Variants in BABAM2 observed in about 807,000 individuals in gnomAD.
BABAM2 encodes BRISC and BRCA1 A complex member 2, also known as BRISC and BRCA1-A complex member 2.
In BABAM2, 31 loss-of-function variants were observed where a neutral mutation model predicts 54.7. The observed-to-expected ratio is 0.57, with a 90% CI of 0.43 to 0.77. The LOEUF (loss-of-function observed/expected upper bound fraction) is 0.77. BABAM2 is among the 30% of genes least tolerant of loss of function. The probability of loss-of-function intolerance (pLI) is 0.00; values close to 1 mark genes in which losing one functional copy is unlikely to be tolerated. For missense variants in BABAM2, 364 were observed against 455.8 expected, an observed-to-expected ratio of 0.80 and a Z score of 1.83; for synonymous variants, 167 against 162.9, an observed-to-expected ratio of 1.03 and a Z score of -0.19.
intron 1 of BABAM2, among the ~76,000 whole-genome samples, chr2:27,891,488 A>T (rs1227304441): frequency 6.6e-6 from 1 of 152,154 alleles, no homozygotes; most frequent in Non-Finnish European, 1.5e-5. Flanking sequence ...AATACGTCAA[A>T]ATCAGGAAAT....
intron 3 of BABAM2, among the ~76,000 whole-genome samples, chr2:27,965,024 T>A (rs1670741473): frequency 6.6e-6 from 1 of 152,146 alleles, no homozygotes; most frequent in African/African-American, 2.4e-5. Context: ...GGAGATGGGG[T>A]ATGTTTTAAG....
intron 6 of BABAM2, among the ~76,000 whole-genome samples, chr2:28,067,092 C>T (rs1279686210): frequency 5.9e-5 from 9 of 152,100 alleles, no homozygotes; most frequent in South Asian, 2.1e-4. Flanking sequence ...CCACCACGCC[C>T]GGCTAATTTT....
chr2:28,268,249 A>T (rs1402877975), intron 10 of BABAM2, among the ~76,000 whole-genome samples: 2 of 152,234 alleles, frequency 1.3e-5, no homozygotes, highest in Non-Finnish European at 2.9e-5. Flanking sequence ...AGACAAGAGG[A>T]TACGTTGAGC....
At chr2:28,287,184 C>CT (rs1686894850) in intron 10 of BABAM2, among the ~76,000 whole-genome samples, 1 of 152,066 alleles carries the variant, frequency 6.6e-6, no homozygotes, top group Non-Finnish European at 1.5e-5. Context: ...AAGCTTATGA[C>CT]TTTTTAAAGA....
intron 7 of BABAM2, among the ~76,000 whole-genome samples, chr2:28,193,702 C>T (rs1677193450): frequency 6.6e-6 from 1 of 152,200 alleles, no homozygotes; most frequent in Non-Finnish European, 1.5e-5. Flanking sequence ...GATGTAACTT[C>T]TGTAACAGAT....
intron 2 of BABAM2, among the ~76,000 whole-genome samples, chr2:27,914,871 A>C (rs778395780): frequency 5.3e-5 from 8 of 152,122 alleles, no homozygotes; most frequent in Admixed American, 2.0e-4. Flanking sequence ...TGGTGATATA[A>C]AAATTTCTTA....
At chr2:28,256,186 T>C (rs1683957065) in intron 10 of BABAM2, among the ~76,000 whole-genome samples, 1 of 152,226 alleles carries the variant, frequency 6.6e-6, no homozygotes, top group African/African-American at 2.4e-5. Context: ...ATACATAGCT[T>C]CTTTGTTAAC....
At chr2:28,090,435 G>T (rs7578470) in intron 6 of BABAM2, among the ~76,000 whole-genome samples, 12,247 of 152,034 alleles carry the variant, frequency 0.081, 1,646 homozygotes, top group African/African-American at 0.28. Flanking sequence ...AGTAGAGATG[G>T]GTTTCACCGT....
At chr2:28,294,157 A>G (rs936807043) in intron 10 of BABAM2, among the ~76,000 whole-genome samples, 3 of 152,060 alleles carry the variant, frequency 2.0e-5, no homozygotes, top group Admixed American at 6.5e-5. Flanking sequence ...GAGGCGGGCA[A>G]GTCACAAGGT....
chr2:28,152,648 T>G (rs1243923754), intron 7 of BABAM2, among the ~76,000 whole-genome samples: 1 of 152,116 alleles, frequency 6.6e-6, no homozygotes, highest in Non-Finnish European at 1.5e-5. Flanking sequence ...ATCATGCTAC[T>G]CCACCAACAG....
At chr2:28,051,744 G>A (rs1678014679) in intron 6 of BABAM2, among the ~76,000 whole-genome samples, 2 of 152,050 alleles carry the variant, frequency 1.3e-5, no homozygotes, top group South Asian at 4.2e-4. Flanking sequence ...CACCTCCCAG[G>A]TTCAAGCAAT....
intron 7 of BABAM2, among the ~76,000 whole-genome samples, chr2:28,173,120 T>C (rs1674538683): frequency 6.6e-6 from 1 of 152,228 alleles, no homozygotes; most frequent in South Asian, 2.1e-4. Context: ...CCAGAGATAC[T>C]ATCTCTAAAT....
chr2:28,215,086 C>T lies in BABAM2; in HGVS notation c.681-22116C>T, dbSNP rs545708087. Among the ~76,000 whole-genome samples the T allele has an allele frequency of 4.6e-5, 7 of 152,102 alleles. No homozygotes were observed. The East Asian group carries it at 7.7e-4, about 17-fold the overall frequency. ...ATCTTTTTCACTGCATTTACTTCTGCGTGTGTGTTTGTGTGTAGCTTTGTA... is the reference window on the plus strand; with the variant it reads ...ATCTTTTTCACTGCATTTACTTCTGTGTGTGTGTTTGTGTGTAGCTTTGTA... On this transcript the variant is annotated intron_variant, in intron 7 of 11. Coordinates refer to ENST00000379624, the MANE Select transcript of BABAM2 (RefSeq NM_199191.3).
chr2:28,026,593 G>A (rs1316260389), intron 5 of BABAM2, among the ~76,000 whole-genome samples: 4 of 150,450 alleles, frequency 2.7e-5, no homozygotes, highest in Non-Finnish European at 4.4e-5. Flanking sequence ...TGGGGAGGAG[G>A]CTAGGGGAGG....
intron 4 of BABAM2, among the ~76,000 whole-genome samples, chr2:28,024,358 A>T (rs1675494647): frequency 6.6e-6 from 1 of 152,002 alleles, no homozygotes; most frequent in Non-Finnish European, 1.5e-5. Flanking sequence ...GTGAGCCGAG[A>T]TCGCACCACT....
chr2:28,190,388 CTT>C lies in BABAM2; in HGVS notation c.681-46811_681-46810del, dbSNP rs574471434. ...AGGAGAGGCTAGCTCCCTGTAGTCT[CTT>C]TTAAAAGGGCTCTAGGCCAGGTACA... On this transcript the variant is annotated intron_variant, in intron 7 of 11. Transcript: ENST00000379624. 2.9e-4 allele frequency among the ~76,000 whole-genome samples: 44 copies of C among 152,194 alleles called. No individual in the cohort carries two copies. In the East Asian group the frequency reaches 8.1e-3, roughly 28 times the overall value.
In BABAM2 at chr2:28,330,662, A is replaced by G. The variant is rs561806926; in HGVS notation, c.1089-7788A>G. Among the ~76,000 whole-genome samples the G allele has an allele frequency of 6.6e-5, 10 of 152,324 alleles. No individual in the cohort carries two copies. The South Asian group carries it at 1.5e-3, about 22-fold the overall frequency. ...ACCTCTTCAAGGAGAACTACAAACC[A>G]CTGCTCAAGGAAGTCAGAGAGGACA... On this transcript the variant is annotated intron_variant, in intron 11 of 11. Transcript: ENST00000379624.
intron 1 of BABAM2, among the ~76,000 whole-genome samples, chr2:27,893,731 C>T (rs890752937): frequency 6.6e-6 from 1 of 152,092 alleles, no homozygotes; most frequent in African/African-American, 2.4e-5. Flanking sequence ...TGCGGTGGCT[C>T]ACGCCTGTAA....
At chr2:28,150,377 G>A (rs1249013297) in intron 7 of BABAM2, among the ~76,000 whole-genome samples, 1 of 152,070 alleles carries the variant, frequency 6.6e-6, no homozygotes, top group Non-Finnish European at 1.5e-5. Context: ...GAATGCCTTG[G>A]ATACATGGCA....
Sources: gnomAD v4.1 joint callset for allele counts (sites outside exome capture counted in the v4.1 genomes callset) on GRCh38, gnomAD v4.1.1 for gene constraint, MANE v1.5 for transcripts, NCBI Gene and HGNC (gene_info 2026-07-23, HGNC 2026-07-21) for gene names.